Variants in HTATIP2 observed in about 807,000 individuals in gnomAD.
HTATIP2 encodes HIV-1 Tat interactive protein 2.
In HTATIP2, 26 loss-of-function variants were observed where a neutral mutation model predicts 24.7. The observed-to-expected ratio is 1.05, with a 90% confidence interval of 0.77 to 1.46. The LOEUF is 1.46. Among genes scored for constraint, HTATIP2 ranks in the 40% most tolerant of loss-of-function variants. The pLI is 0.00. For missense variants in HTATIP2, 284 were observed against 289.6 expected (o/e 0.98, Z 0.14); for synonymous variants, 99 against 113.2 (o/e 0.87, Z 0.79).
At position 20,364,210 on chromosome 11, in the gene HTATIP2, C is replaced by T. The variant is rs1358403287; in HGVS notation, c.-28C>T. Reference sequence around the variant, plus strand: ...TGGCAGTCCCCTGACACCCTAAGACCGGCATCTGTCGATGTTATTTCCCCA... The same window carrying T: ...TGGCAGTCCCCTGACACCCTAAGACTGGCATCTGTCGATGTTATTTCCCCA... On this transcript the variant is annotated 5_prime_UTR_variant, in exon 1 of 5. Coordinates refer to ENST00000451739, the MANE Select transcript of HTATIP2 (RefSeq NM_001098522.2). The T allele has an allele frequency of 1.9e-6, 3 of 1,573,532 alleles. No individual in the cohort carries two copies. The highest frequency in any genetic ancestry group is 1.8e-5 in the Admixed American group (1 of 56,776).
intron 2 of HTATIP2, among the ~76,000 whole-genome samples, chr11:20,374,120 T>TG (rs1322363053): frequency 1.3e-5 from 2 of 152,154 alleles, no homozygotes; most frequent in Non-Finnish European, 2.9e-5. Context: ...TTGTGAGTGA[T>TG]GGGAAAGGAG....
chr11:20,378,864 CCT>C (rs1175452308), intron 3 of HTATIP2, among the ~76,000 whole-genome samples: 2 of 152,196 alleles, frequency 1.3e-5, no homozygotes, highest in East Asian at 3.9e-4. Flanking sequence ...GTGGCAAAAC[CCT>C]GTCTGTACTA....
Position 20,376,711 on chromosome 11 carries a change from A to C in HTATIP2, c.435A>C (p.Gln145His). Residue 145 changes from glutamine (Q) to histidine (H), a missense_variant, in exon 3 of 5, where the codon CAA (glutamine) becomes CAC (histidine). By Grantham distance (24) the Gln-to-His change is conservative. Coordinates refer to ENST00000451739, the MANE Select transcript of HTATIP2 (RefSeq NM_001098522.2). ...ADKSSNFLYL[Q>H]VKGEVEAKVE... Reference sequence around the variant, plus strand: ...AATCAAGCAATTTTTTATATCTACAAGTTAAGGTTTGTGCAAGTTTCTGTT... The same window carrying C: ...AATCAAGCAATTTTTTATATCTACACGTTAAGGTTTGTGCAAGTTTCTGTT... 6.2e-7 allele frequency: 1 copy of C among 1,605,618 alleles called. No homozygotes were observed. Among genetic ancestry groups the C allele is most frequent in the Admixed American group, 1.8e-5 (1 of 56,922 alleles).
intron 2 of HTATIP2, among the ~76,000 whole-genome samples, chr11:20,374,196 A>G (rs1471468565): frequency 2.0e-5 from 3 of 152,212 alleles, no homozygotes; most frequent in African/African-American, 7.2e-5. Flanking sequence ...GTGGCAGAGC[A>G]TGTTCAGTTT....
rs117403286 is a variant in HTATIP2, at chr11:20,372,626, T to A, written c.304-3954T>A. ...TGGCTATGGAATCATAAAGACAGAA[T>A]GACATGTGGACTTAATACTCTCAGA... is the stretch of plus-strand genomic sequence containing the variant. On this transcript the variant is annotated intron_variant, in intron 2 of 4. Transcript: ENST00000451739. Among the ~76,000 whole-genome samples, 771 of 152,314 alleles carry A rather than the reference T, an allele frequency of 5.1e-3. 6 individuals carry two copies. The highest frequency in any genetic ancestry group is 0.01 in the Middle Eastern group (3 of 294).
At chr11:20,373,153 C>T (rs2064789367) in intron 2 of HTATIP2, among the ~76,000 whole-genome samples, 1 of 152,132 alleles carries the variant, frequency 6.6e-6, no homozygotes, top group Admixed American at 6.5e-5. Context: ...GGCACCTTGT[C>T]AACAGGCCCC....
intron 4 of HTATIP2, among the ~76,000 whole-genome samples, chr11:20,382,618 T>C (rs1012657912): frequency 6.6e-6 from 1 of 152,122 alleles, no homozygotes; most frequent in African/African-American, 2.4e-5. Context: ...AAGATCAAGG[T>C]GCCCTCAGGG....
chr11:20,377,989 A>G (rs549195249), intron 3 of HTATIP2, among the ~76,000 whole-genome samples: 13 of 152,186 alleles, frequency 8.5e-5, no homozygotes, highest in African/African-American at 1.4e-4. Flanking sequence ...TGAACTTTGC[A>G]GTGATATTAT....
chr11:20,372,863 A>G (rs571356028), intron 2 of HTATIP2, among the ~76,000 whole-genome samples: 4 of 152,248 alleles, frequency 2.6e-5, no homozygotes, highest in Non-Finnish European at 5.9e-5. Flanking sequence ...TTGGTGTGTG[A>G]TACCTCCTAG....
intron 2 of HTATIP2, among the ~76,000 whole-genome samples, chr11:20,368,015 C>T (rs894290841): frequency 2.0e-5 from 3 of 151,924 alleles, no homozygotes; most frequent in African/African-American, 7.3e-5. Flanking sequence ...AATTTACATG[C>T]TGGAGCTGAA....
intron 2 of HTATIP2, 37 bp from the exon 3 acceptor site, chr11:20,376,543 G>C: frequency 1.2e-6 from 2 of 1,612,730 alleles, no homozygotes; most frequent in East Asian, 2.2e-5. Flanking sequence ...TGAACTTGCT[G>C]CTTTTTGGAA....
At chr11:20,380,590 T>C (rs1391743708) in intron 3 of HTATIP2, among the ~76,000 whole-genome samples, 1 of 141,948 alleles carries the variant, frequency 7.0e-6, no homozygotes, top group Non-Finnish European at 1.5e-5. Context: ...GAGAACGGCA[T>C]GAACCCGGGA....
At chr11:20,364,500 A>C (rs570755891) in intron 1 of HTATIP2, 68 bp downstream of exon 1, 761 of 1,362,248 alleles carry the variant, frequency 5.6e-4, no homozygotes, top group Non-Finnish European at 7.4e-4. Flanking sequence ...TTCATGCCTA[A>C]AGGCTGAATA....
chr11:20,369,786 G>T (rs1481193592), intron 2 of HTATIP2, among the ~76,000 whole-genome samples: 2 of 152,102 alleles, frequency 1.3e-5, no homozygotes, highest in African/African-American at 2.4e-5. Flanking sequence ...TCCAAATAAG[G>T]TCATATTCTG....
chr11:20,373,323 A>G (rs1204309743), intron 2 of HTATIP2, among the ~76,000 whole-genome samples: 2 of 152,190 alleles, frequency 1.3e-5, no homozygotes, highest in Non-Finnish European at 2.9e-5. Context: ...GACTAATCAG[A>G]TTGAAAAAGT....
Position 20,363,993 on chromosome 11 carries a change from C to CCAG in HTATIP2, c.-240_-238dup. The stretch of plus-strand genomic sequence containing the variant: ...ATACCGTGGGGTATGCCCAGTGATG[C>CCAG]CAGCAGCTTGTGGCACCTGGGCGCA... On this transcript the variant is annotated 5_prime_UTR_variant, in exon 1 of 5. Coordinates refer to ENST00000451739, the MANE Select transcript of HTATIP2 (RefSeq NM_001098522.2). 7.9e-7 allele frequency: 1 copy of CCAG among 1,269,432 alleles called. No individual in the cohort carries two copies. The allele number at this position is 1,269,432 out of a possible 1,614,324, so 78.6% of individuals were successfully genotyped here.
rs16906210 is a variant in HTATIP2 at position 20,383,589 on chromosome 11, C to A, written c.*384C>A. Reference sequence around the variant, plus strand: ...ACAGCAGCCATGAAAACCTTATGACCGTGCAAATGAGCTCTGCTCTAAAAT... The same window carrying A: ...ACAGCAGCCATGAAAACCTTATGACAGTGCAAATGAGCTCTGCTCTAAAAT... On this transcript the variant is annotated 3_prime_UTR_variant, in exon 5 of 5. Transcript: ENST00000451739. The A allele has an allele frequency of 3.1e-5, 6 of 192,234 alleles. No homozygotes were observed. The highest frequency in any genetic ancestry group is 1.4e-4 in the African/African-American group (6 of 42,232). 11.9% of individuals were successfully genotyped at this position (192,234 alleles called of 1,614,324 possible). A position where few individuals can be genotyped will look rare whatever the true frequency, so the allele number is the denominator to read the frequency against.
At chr11:20,376,476 T>A (rs1848448499) in intron 2 of HTATIP2, 104 bp from the exon 3 acceptor site, 3 of 1,228,130 alleles carry the variant, frequency 2.4e-6, no homozygotes, top group Non-Finnish European at 1.2e-6. Flanking sequence ...TTTATTTAGA[T>A]CTCCATCCTT....
At chr11:20,370,570 G>A (rs570229523) in intron 2 of HTATIP2, among the ~76,000 whole-genome samples, 96 of 152,190 alleles carry the variant, frequency 6.3e-4, no homozygotes, top group African/African-American at 2.3e-3. Flanking sequence ...TGATTCTAAT[G>A]ATCTGCTCTT....
Sources: gnomAD v4.1 joint callset for allele counts (sites outside exome capture counted in the v4.1 genomes callset) on GRCh38, gnomAD v4.1.1 for gene constraint, MANE v1.5 for transcripts, NCBI Gene and HGNC (gene_info 2026-07-23, HGNC 2026-07-21) for gene names.